The following MTDH variants were observed in gnomAD, a reference collection of about 807,000 sequenced individuals.
MTDH encodes protein LYRIC.
MTDH carries 34 observed loss-of-function variants against 72.7 expected under a neutral mutation model. The observed-to-expected ratio is 0.47, with a 90% confidence interval of 0.36 to 0.62. The LOEUF is 0.62. Among genes scored for constraint, MTDH ranks in the 20% least tolerant of loss-of-function variants. The pLI is 0.00. For synonymous variants in MTDH, 266 were observed against 268.9 expected, an observed-to-expected ratio of 0.99 and a Z score of 0.10; for missense variants, 677 against 699.4, an observed-to-expected ratio of 0.97 and a Z score of 0.36.
At chr8:97,700,518 C>A (rs1814073629) in intron 7 of MTDH, among the ~76,000 whole-genome samples, 1 of 152,156 alleles carries the variant, frequency 6.6e-6, no homozygotes, top group Admixed American at 6.6e-5. Context: ...TAAGAACTCT[C>A]TGAAAATGGG....
At chr8:97,695,953 C>T (rs1378528712) in intron 6 of MTDH, among the ~76,000 whole-genome samples, 2 of 152,202 alleles carry the variant, frequency 1.3e-5, no homozygotes, top group Admixed American at 1.3e-4. Context: ...CGTGGCTCAG[C>T]TGTTTTCTAG....
rs1472069119 is a variant in MTDH at position 97,727,000 on chromosome 8, C to G, written c.*2330C>G. The G allele has an allele frequency of 6.6e-6, 1 of 151,330 alleles. No homozygotes were observed. The highest frequency in any genetic ancestry group is 1.5e-5 in the Non-Finnish European group (1 of 67,898). 9.4% of individuals were successfully genotyped at this position (151,330 alleles called of 1,614,324 possible). A position where few individuals can be genotyped will look rare whatever the true frequency, so the allele number is the denominator to read the frequency against. On this transcript the variant is annotated 3_prime_UTR_variant, in exon 12 of 12. Transcript: ENST00000336273. ...AGGCTAAGGCAGAGAATCATTTGAA[C>G]CCAGGAGACGGAGTTTGCAAAGCCA...
intron 2 of MTDH, among the ~76,000 whole-genome samples, chr8:97,680,590 C>A (rs1012743894): frequency 1.3e-5 from 2 of 152,086 alleles, no homozygotes; most frequent in African/African-American, 4.8e-5. Context: ...ATACTATAGC[C>A]TACTTTGTTG....
At chr8:97,687,675 A>G (rs1813421514) in intron 4 of MTDH, 70 bp downstream of exon 4, 1 of 1,313,612 alleles carries the variant, frequency 7.6e-7, no homozygotes, top group Non-Finnish European at 1.0e-6. Flanking sequence ...ACAAAATATC[A>G]TTATGTCAAA....
At chr8:97,690,640 T>A (rs1813562308) in intron 5 of MTDH, among the ~76,000 whole-genome samples, 1 of 122,728 alleles carries the variant, frequency 8.1e-6, no homozygotes, top group African/African-American at 3.6e-5. Context: ...GTAATATATA[T>A]AAATAAGGAA....
At chr8:97,683,424 C>T (rs116185757) in intron 2 of MTDH, among the ~76,000 whole-genome samples, 4,754 of 151,858 alleles carry the variant, frequency 0.031, 272 homozygotes, top group African/African-American at 0.11. Flanking sequence ...GAGACAGGGT[C>T]TCACCCCGTT....
chr8:97,686,412 G>A (rs1813364568), intron 2 of MTDH, among the ~76,000 whole-genome samples: 1 of 151,890 alleles, frequency 6.6e-6, no homozygotes, highest in Admixed American at 6.6e-5. Flanking sequence ...CTCTAAAATG[G>A]GACTAATACC....
chr8:97,672,829 T>A (rs2130961421), intron 2 of MTDH, among the ~76,000 whole-genome samples: 1 of 152,350 alleles, frequency 6.6e-6, no homozygotes, highest in East Asian at 1.9e-4. Context: ...AAGGCGTTCT[T>A]AAGAGAGGTT....
chr8:97,667,174 G>A (rs528255642), intron 2 of MTDH, among the ~76,000 whole-genome samples: 23 of 152,182 alleles, frequency 1.5e-4, no homozygotes, highest in East Asian at 9.7e-4. Context: ...TTGTAGAGAC[G>A]CTGTCTTACC....
rs1328873046 is a variant in MTDH at position 97,644,418 on chromosome 8, C to T, written c.-89C>T. On this transcript the variant is annotated 5_prime_UTR_variant, in exon 1 of 12. Coordinates refer to ENST00000336273, the MANE Select transcript of MTDH (RefSeq NM_178812.4). ...GCGATGCGCTCGGCCTGAGGTTACC[C>T]GGCCCGGCCCTTCCTCGCTTCCCTC... 8 of 1,468,418 alleles carry T rather than the reference C, an allele frequency of 5.4e-6. No homozygotes were observed. The Admixed American group carries it at 2.0e-4, about 37-fold the overall frequency. The allele number at this position is 1,468,418 out of a possible 1,614,324, so 91.0% of individuals were successfully genotyped here.
intron 2 of MTDH, among the ~76,000 whole-genome samples, chr8:97,677,507 AAG>A: frequency 6.6e-6 from 1 of 151,588 alleles, no homozygotes; most frequent in Non-Finnish European, 1.5e-5. Flanking sequence ...AAAAAAAAGA[AAG>A]AAAGAAAGAA....
rs1050397169 is a variant in MTDH, at chr8:97,644,538, C to T, written c.32C>T (p.Ala11Val). The T allele has an allele frequency of 1.3e-6, 2 of 1,597,546 alleles. No individual in the cohort carries two copies. Among genetic ancestry groups the T allele is most frequent in the East Asian group, 2.3e-5 (1 of 44,234 alleles). Residue 11 changes from alanine (A) to valine (V), a missense_variant, in exon 1 of 12, where the codon GCC becomes GTC. By Grantham distance (64) the Ala-to-Val change is moderately conservative. This residue lies in a region of MTDH where 467 missense variants were observed against 469.1 expected (regional missense o/e 1.00). Transcript: ENST00000336273. Reference sequence around the variant, plus strand: ...GCACGGAGCTGGCAGGACGAGCTGGCCCAGCAGGCCGAGGAGGGCTCGGCC... The same window carrying T: ...GCACGGAGCTGGCAGGACGAGCTGGTCCAGCAGGCCGAGGAGGGCTCGGCC... Reference protein sequence around the residue: MAARSWQDELAQQAEEGSARL... With the variant: MAARSWQDELVQQAEEGSARL...
chr8:97,679,326 AAAT>A (rs1812976270), intron 2 of MTDH, among the ~76,000 whole-genome samples: 1 of 152,328 alleles, frequency 6.6e-6, no homozygotes, highest in African/African-American at 2.4e-5. Context: ...AACAAGAACA[AAAT>A]GATGATGATG....
At chr8:97,704,931 T>C (rs887688835) in intron 7 of MTDH, among the ~76,000 whole-genome samples, 3 of 152,208 alleles carry the variant, frequency 2.0e-5, no homozygotes, top group African/African-American at 7.2e-5. Context: ...TGCAGAGTTA[T>C]GTATAGCACT....
chr8:97,659,283 C>T (rs772268734), intron 1 of MTDH, among the ~76,000 whole-genome samples: 2 of 146,376 alleles, frequency 1.4e-5, no homozygotes, highest in African/African-American at 2.4e-5. Flanking sequence ...CCTTCCTTCC[C>T]CCATATGCAT....
chr8:97,711,346 A>G (rs1208028470), intron 8 of MTDH, among the ~76,000 whole-genome samples: 2 of 151,424 alleles, frequency 1.3e-5, no homozygotes, highest in Admixed American at 6.6e-5. Flanking sequence ...TTAAAAAAAA[A>G]AAAAAAAGAA....
chr8:97,683,387 T>A (rs1180293544), intron 2 of MTDH, among the ~76,000 whole-genome samples: 1 of 151,704 alleles, frequency 6.6e-6, no homozygotes, highest in Non-Finnish European at 1.5e-5. Context: ...CTTTGTTTTT[T>A]GTTTGTTTGT....
intron 9 of MTDH, 138 bp from the exon 10 acceptor site, chr8:97,718,911 G>A: frequency 1.4e-6 from 1 of 708,726 alleles, no homozygotes; most frequent in Non-Finnish European, 2.3e-6. Flanking sequence ...GCCCAGGCTG[G>A]TCTCAAATTC....
rs1213849696 is a variant in MTDH, at chr8:97,699,766, A to G, written c.1061A>G (p.Glu354Gly). The G allele has an allele frequency of 6.2e-7, 1 of 1,610,998 alleles. No homozygotes were observed. ...SIFSGIGSTA[E>G]PVSQSTTSDY... ...TTTTTCATTTAAGGGTCTACTGCTG[A>G]GCCAGTTTCTCAGTCTACCACTTCT... Residue 354 changes from glutamate to glycine, a missense_variant, in exon 7 of 12, where the codon GAG becomes GGG. By Grantham distance (98) the Glu-to-Gly change is moderately conservative. This residue lies in a region of MTDH where 467 missense variants were observed against 469.1 expected (regional missense o/e 1.00). Coordinates refer to ENST00000336273, the MANE Select transcript of MTDH (RefSeq NM_178812.4).
Sources: gnomAD v4.1 joint callset for allele counts (sites outside exome capture counted in the v4.1 genomes callset) on GRCh38, gnomAD v4.1.1 for gene constraint, gnomAD v4.1.1 regional missense constraint, MANE v1.5 for transcripts, NCBI Gene and HGNC (gene_info 2026-07-23, HGNC 2026-07-21) for gene names.